The following IST1 variants were observed in gnomAD, a reference collection of about 807,000 sequenced individuals.
The protein encoded by IST1 is IST1 factor associated with ESCRT-III.
Under a neutral mutation model 37.0 loss-of-function variants are expected in IST1, and 23 were observed. The observed-to-expected ratio is 0.62, with a 90% CI of 0.45 to 0.88. IST1 has a LOEUF of 0.88. Among genes scored for constraint, IST1 ranks in the 40% least tolerant of loss-of-function variants. The pLI is 0.00. For synonymous variants in IST1, 180 were observed against 161.7 expected (o/e 1.11, Z -0.86); for missense variants, 488 against 445.4 (o/e 1.10, Z -0.86).
At chr16:71,901,039 TTA>T (rs938884099) in intron 1 of IST1, among the ~76,000 whole-genome samples, 1 of 152,198 alleles carries the variant, frequency 6.6e-6, no homozygotes, top group Admixed American at 6.5e-5. Context: ...AAAAATTTGT[TTA>T]TGTTTGTTAA....
At chr16:71,916,699 TATG>T (rs1445412320) in intron 3 of IST1, 57 bp downstream of exon 3, 6 of 1,442,408 alleles carry the variant, frequency 4.2e-6, no homozygotes, top group South Asian at 3.7e-5. Context: ...AAAGGAGTAA[TATG>T]ATCTCTTTCT....
In IST1 at chr16:71,899,745, C is replaced by T. The variant is rs905930460; in HGVS notation, c.-16+4156C>T. ...AGAAAAAATTAGCTGGGCGAACAGC[C>T]GGGCATGGTGGCTAACGCCTGTAAT... On this transcript the variant is annotated intron_variant, in intron 1 of 9. Coordinates refer to ENST00000378799, the MANE Select transcript of IST1 (RefSeq NM_001270975.2). Among the ~76,000 whole-genome samples, 6 of 148,254 alleles carry T rather than the reference C, an allele frequency of 4.0e-5. No individual in the cohort carries two copies. The South Asian group carries it at 6.5e-4, about 16-fold the overall frequency.
At chr16:71,908,390 C>T (rs1033899225) in intron 1 of IST1, among the ~76,000 whole-genome samples, 1 of 148,892 alleles carries the variant, frequency 6.7e-6, no homozygotes, top group Non-Finnish European at 1.5e-5. Flanking sequence ...ACCTCCGCCT[C>T]CCCAGTTCAA....
rs923938836 is a variant in IST1, at chr16:71,902,348, C to T, written c.-16+6759C>T. ...GCAGTGGTGTGATCTCGGCTCACTG[C>T]AACCTCCACCTCCTGGGTTCAAGCA... On this transcript the variant is annotated intron_variant, in intron 1 of 9. Transcript: ENST00000378799. Among the ~76,000 whole-genome samples the T allele has an allele frequency of 4.6e-5, 7 of 152,170 alleles. No individual in the cohort carries two copies. In the South Asian group the frequency reaches 1.5e-3, roughly 32 times the overall value.
chr16:71,920,076 T>G (rs989969103), intron 4 of IST1, among the ~76,000 whole-genome samples: 4 of 152,202 alleles, frequency 2.6e-5, no homozygotes, highest in Admixed American at 6.5e-5. Context: ...GACCTCACAG[T>G]CTGGGCTACA....
chr16:71,916,371 C>T (rs1012957762), intron 2 of IST1, 91 bp from the exon 3 acceptor site: 52 of 1,244,978 alleles, frequency 4.2e-5, no homozygotes, highest in Middle Eastern at 2.8e-4. Context: ...ATAGTAGAAA[C>T]ACCCAGTTCT....
intron 1 of IST1, among the ~76,000 whole-genome samples, chr16:71,909,533 G>A (rs765529300): frequency 2.0e-5 from 3 of 152,188 alleles, no homozygotes; most frequent in Non-Finnish European, 4.4e-5. Flanking sequence ...TGGAATTGCT[G>A]TGTCTTAAGG....
At chr16:71,911,368 T>C (rs2037350509) in intron 1 of IST1, among the ~76,000 whole-genome samples, 1 of 146,694 alleles carries the variant, frequency 6.8e-6, no homozygotes, top group South Asian at 2.2e-4. Flanking sequence ...TAAAAAAAAC[T>C]ATTGCTATAC....
At position 71,929,639 on chromosome 16, in the gene IST1, A is replaced by C; in HGVS notation, c.*1826A>C. ...GGCCAACTGATTCCTAACAAATTTGAGAGCTTCTGTAGCAGTGTATCTATT... is the reference window on the plus strand; with the variant it reads ...GGCCAACTGATTCCTAACAAATTTGCGAGCTTCTGTAGCAGTGTATCTATT... On this transcript the variant is annotated 3_prime_UTR_variant, in exon 10 of 10. Coordinates refer to ENST00000378799, the MANE Select transcript of IST1 (RefSeq NM_001270975.2). 6.4e-7 allele frequency: 1 copy of C among 1,551,830 alleles called. No homozygotes were observed. Among genetic ancestry groups the C allele is most frequent in the South Asian group, 1.2e-5 (1 of 84,052 alleles).
Position 71,920,789 on chromosome 16 carries a change from T to G in IST1, c.408T>G (p.Cys136Trp). The G allele has an allele frequency of 6.2e-7, 1 of 1,613,910 alleles. No homozygotes were observed. Among genetic ancestry groups the G allele is most frequent in the Non-Finnish European group, 8.5e-7 (1 of 1,179,746 alleles). Reference sequence around the variant, plus strand: ...ATAGCAAGGAATATGGCAAGCTATGTAGGACCAACCAGATTGGAACTGTGA... The same window carrying G: ...ATAGCAAGGAATATGGCAAGCTATGGAGGACCAACCAGATTGGAACTGTGA... The part of the protein sequence containing the change: ...AKYSKEYGKL[C>W]RTNQIGTVND... The change falls in exon 5 of 10, where the codon TGT (cysteine) becomes TGG (tryptophan). Residue 136 changes from cysteine to tryptophan, a missense_variant. Physicochemically the swap from Cys to Trp is radical, Grantham distance 215. This residue lies in a region of IST1 where 455 missense variants were observed against 386.2 expected (regional missense o/e 1.18). Coordinates refer to ENST00000378799, the MANE Select transcript of IST1 (RefSeq NM_001270975.2).
intron 1 of IST1, among the ~76,000 whole-genome samples, chr16:71,903,415 C>G (rs949669720): frequency 6.6e-6 from 1 of 151,962 alleles, no homozygotes; most frequent in African/African-American, 2.4e-5. Flanking sequence ...TCACTTGAAG[C>G]TTTCTCTTTG....
chr16:71,909,064 TTC>T (rs2037292461), intron 1 of IST1, among the ~76,000 whole-genome samples: 1 of 151,814 alleles, frequency 6.6e-6, no homozygotes, highest in African/African-American at 2.4e-5. Context: ...CTGCATAGTA[TTC>T]TGTCATGTTT....
chr16:71,923,568 A>G lies in IST1; in HGVS notation c.852+188A>G, dbSNP rs2037662660. 5 of 440,172 alleles carry G rather than the reference A, an allele frequency of 1.1e-5. No homozygotes were observed. In the South Asian group the frequency reaches 1.6e-4, roughly 14 times the overall value. The allele number at this position is 440,172 out of a possible 1,614,324, so 27.3% of individuals were successfully genotyped here. The stretch of plus-strand genomic sequence containing the variant: ...TGGAGTGGGTGGTGATGGCAGTATC[A>G]TTGGTGGCAATGCTTTGTCTGCAAT... On this transcript the variant is annotated intron_variant, in intron 8 of 9. Transcript: ENST00000378799.
At position 71,910,846 on chromosome 16, in the gene IST1, C is replaced by G. The variant is rs543009772; in HGVS notation, c.-15-4780C>G. Among the ~76,000 whole-genome samples the G allele has an allele frequency of 2.0e-5, 3 of 152,204 alleles. No individual in the cohort carries two copies. The East Asian group carries it at 5.8e-4, about 29-fold the overall frequency. On this transcript the variant is annotated intron_variant, in intron 1 of 9. Transcript: ENST00000378799. ...TAAAAGAGAAAATACTGAGGCTTCC[C>G]TTCAGCTCTACTTTCCAGAGTTAAC...
At chr16:71,924,959 A>C in intron 9 of IST1, 142 bp downstream of exon 9, 2 of 623,582 alleles carry the variant, frequency 3.2e-6, no homozygotes, top group Non-Finnish European at 5.7e-6. Context: ...ATGCTAAAAT[A>C]GAACTCAGGA....
rs1373397575 is a variant in IST1, at chr16:71,921,054, C to T, written c.441+232C>T. ...CTTCCCCACTTTGTATGCCTCGTGT[C>T]ATTTGTGAAGGTTGGAAGTGAGGTG... On this transcript the variant is annotated intron_variant, in intron 5 of 9. Transcript: ENST00000378799. 10 of 610,614 alleles carry T rather than the reference C, an allele frequency of 1.6e-5. No homozygotes were observed. The East Asian group carries it at 1.7e-4, about 10-fold the overall frequency. The allele number at this position is 610,614 out of a possible 1,614,324, so 37.8% of individuals were successfully genotyped here.
At chr16:71,903,309 TATA>T (rs2142532461) in intron 1 of IST1, 1 of 152,310 alleles carries the variant, frequency 6.6e-6, no homozygotes, top group African/African-American at 2.4e-5. Context: ...ACCTTAATGA[TATA>T]ATTTTTTCTC....
At chr16:71,907,281 T>A (rs766715093) in intron 1 of IST1, among the ~76,000 whole-genome samples, 1 of 119,858 alleles carries the variant, frequency 8.3e-6, no homozygotes, top group African/African-American at 4.6e-5. Context: ...CCTTATGGGA[T>A]TTTTTTTTTT....
At chr16:71,899,868 A>T (rs552143944) in intron 1 of IST1, among the ~76,000 whole-genome samples, 1,602 of 152,156 alleles carry the variant, frequency 0.011, 12 homozygotes, top group Non-Finnish European at 0.018. Flanking sequence ...CTAAAAATAT[A>T]AAAAATTAGC....
Sources: gnomAD v4.1 joint callset for allele counts (sites outside exome capture counted in the v4.1 genomes callset) on GRCh38, gnomAD v4.1.1 for gene constraint, gnomAD v4.1.1 regional missense constraint, MANE v1.5 for transcripts, NCBI Gene and HGNC (gene_info 2026-07-23, HGNC 2026-07-21) for gene names.